Variants in LGR6 observed in about 807,000 individuals in gnomAD.
LGR6 encodes the protein leucine-rich repeat-containing G protein-coupled receptor 6.
A neutral mutation model predicts 69.4 loss-of-function variants in LGR6; 45 were observed. The ratio of observed to expected loss-of-function variants is 0.65; its 90% CI spans 0.51 to 0.83. LGR6 has a LOEUF of 0.83. Among genes scored for constraint, LGR6 ranks in the 40% least tolerant of loss-of-function variants. The pLI is 0.00. For synonymous variants in LGR6, 538 were observed against 555.0 expected, an observed-to-expected ratio of 0.97 and a Z score of 0.43; for missense variants, 1,108 against 1,246.7, an observed-to-expected ratio of 0.89 and a Z score of 1.68.
At chr1:202,261,207 A>G (rs559227980) in intron 4 of LGR6, among the ~76,000 whole-genome samples, 37 of 150,700 alleles carry the variant, frequency 2.5e-4, no homozygotes, top group African/African-American at 6.8e-4. Flanking sequence ...AGCATTAGGT[A>G]TATCTCCTAA....
At chr1:202,254,599 G>A (rs191474746) in intron 4 of LGR6, among the ~76,000 whole-genome samples, 1 of 152,316 alleles carries the variant, frequency 6.6e-6, no homozygotes, top group East Asian at 1.9e-4. Context: ...TGCCTTCAGT[G>A]AGTTTGTTAC....
chr1:202,214,434 G>C, intron 1 of LGR6, among the ~76,000 whole-genome samples: 1 of 145,116 alleles, frequency 6.9e-6, no homozygotes, highest in African/African-American at 2.8e-5. Context: ...GCGCGGGCAG[G>C]GGCGGGCAGG....
intron 1 of LGR6, among the ~76,000 whole-genome samples, chr1:202,217,828 A>G (rs1470153070): frequency 2.0e-5 from 3 of 152,230 alleles, no homozygotes; most frequent in African/African-American, 4.8e-5. Flanking sequence ...TAGCCCTTTT[A>G]TTTAAAAATA....
At chr1:202,233,236 A>G (rs1661238374) in intron 3 of LGR6, among the ~76,000 whole-genome samples, 1 of 152,130 alleles carries the variant, frequency 6.6e-6, no homozygotes, top group Non-Finnish European at 1.5e-5. Flanking sequence ...TCTCTCTGGG[A>G]TTTGACAAAG....
Position 202,305,731 on chromosome 1 carries a change from G to A in LGR6, c.1118G>A (p.Cys373Tyr). 6.2e-7 allele frequency: 1 copy of A among 1,614,138 alleles called. No individual in the cohort carries two copies. The highest frequency in any genetic ancestry group is 8.5e-7 in the Non-Finnish European group (1 of 1,180,014). Residue 373 changes from cysteine (C) to tyrosine (Y), a missense_variant, in exon 12 of 18, where the codon TGT (cysteine) becomes TAT (tyrosine). Cys to Tyr is a radical substitution (Grantham distance 194, BLOSUM62 -2). Transcript: ENST00000367278. ...GAGGAGCTGCCCAGCCTGCACAGGT[G>A]TCAGAAATTGGAGGAAATGTGAGTC... ...QIEELPSLHR[C>Y]QKLEEIGLQH...
At chr1:202,222,260 C>T (rs1213002061) in intron 1 of LGR6, among the ~76,000 whole-genome samples, 1 of 152,218 alleles carries the variant, frequency 6.6e-6, no homozygotes, top group Non-Finnish European at 1.5e-5. Context: ...TTGAAATTCA[C>T]CCTCCTTGCC....
intron 1 of LGR6, 24 bp downstream of exon 1, chr1:202,194,225 G>A (rs545416308): frequency 4.6e-6 from 7 of 1,509,292 alleles, no homozygotes; most frequent in East Asian, 2.5e-5. Context: ...GCCTGTCCCC[G>A]CCTGGTCCTG....
chr1:202,290,485 T>C (rs927757392), intron 6 of LGR6, among the ~76,000 whole-genome samples: 2 of 152,110 alleles, frequency 1.3e-5, no homozygotes, highest in Non-Finnish European at 2.9e-5. Context: ...TAGGAAAGTG[T>C]TTTAAACCAG....
intron 1 of LGR6, 169 bp from the exon 2 acceptor site, chr1:202,225,254 C>T: frequency 1.6e-6 from 1 of 632,166 alleles, no homozygotes; most frequent in South Asian, 1.7e-5. Flanking sequence ...AGTTCTTGCT[C>T]TTAGAGAGAA....
chr1:202,318,394 A>G lies in LGR6; in HGVS notation c.2091A>G (p.Ala697=). 6.2e-7 allele frequency: 1 copy of G among 1,604,276 alleles called. No homozygotes were observed. Among genetic ancestry groups the G allele is most frequent in the Non-Finnish European group, 8.5e-7 (1 of 1,175,632 alleles). The change falls in exon 18 of 18, where the codon GCA becomes GCG. Residue 697 remains alanine (A), a synonymous_variant. Coordinates refer to ENST00000367278, the MANE Select transcript of LGR6 (RefSeq NM_001017403.2). The part of the protein sequence containing the change: ...RAGVLGCLAL[A]GLAAALPLAS... ...GGGTCCTAGGCTGCCTGGCACTGGC[A>G]GGGCTGGCCGCCGCGCTGCCCCTGG...
At chr1:202,215,121 G>A (rs1315069614) in intron 1 of LGR6, among the ~76,000 whole-genome samples, 1 of 151,370 alleles carries the variant, frequency 6.6e-6, no homozygotes, top group African/African-American at 2.4e-5. Flanking sequence ...TGAGGGTGGT[G>A]GGGGTGGTGA....
chr1:202,273,463 T>G (rs1390827924), intron 4 of LGR6, among the ~76,000 whole-genome samples: 3 of 149,528 alleles, frequency 2.0e-5, no homozygotes, highest in South Asian at 2.1e-4. Context: ...TTTTTTTTGT[T>G]TTTTTTTTTT....
intron 15 of LGR6, among the ~76,000 whole-genome samples, chr1:202,309,930 G>A (rs148740211): frequency 3.5e-4 from 54 of 152,306 alleles, no homozygotes; most frequent in Middle Eastern, 3.4e-3. Context: ...CTTAAACAAT[G>A]GGCAGAATGT....
intron 3 of LGR6, among the ~76,000 whole-genome samples, chr1:202,229,810 GT>G (rs1402646182): frequency 6.6e-6 from 1 of 152,176 alleles, no homozygotes; most frequent in Non-Finnish European, 1.5e-5. Context: ...CAAAGCCTTT[GT>G]GTCAGTCCTT....
intron 9 of LGR6, 121 bp from the exon 10 acceptor site, chr1:202,303,158 G>A: frequency 1.3e-6 from 1 of 774,398 alleles, no homozygotes; most frequent in Non-Finnish European, 2.3e-6. Flanking sequence ...GAAGATTGCA[G>A]GGAAGCATGA....
At chr1:202,246,441 C>CCTG (rs1397093418) in intron 4 of LGR6, among the ~76,000 whole-genome samples, 1 of 125,978 alleles carries the variant, frequency 7.9e-6, no homozygotes, top group East Asian at 2.3e-4. Flanking sequence ...CCATCCATCC[C>CCTG]TCCATGCATC....
At chr1:202,206,277 G>C (rs1470051760) in intron 1 of LGR6, among the ~76,000 whole-genome samples, 1 of 152,248 alleles carries the variant, frequency 6.6e-6, no homozygotes, top group Non-Finnish European at 1.5e-5. Context: ...AAAAGCAAGA[G>C]AGAATGAGCA....
chr1:202,306,761 C>G, intron 12 of LGR6, 107 bp from the exon 13 acceptor site: 2 of 1,004,158 alleles, frequency 2.0e-6, no homozygotes, highest in Admixed American at 1.9e-5. Flanking sequence ...TCTTCCTGTG[C>G]CAGGAGAAGT....
intron 1 of LGR6, among the ~76,000 whole-genome samples, chr1:202,217,292 AT>A (rs1160545631): frequency 1.3e-5 from 2 of 152,028 alleles, no homozygotes; most frequent in African/African-American, 4.8e-5. Flanking sequence ...CAAATCTAGC[AT>A]TTTTGAGAGA....
Sources: gnomAD v4.1 joint callset for allele counts (sites outside exome capture counted in the v4.1 genomes callset) on GRCh38, gnomAD v4.1.1 for gene constraint, MANE v1.5 for transcripts, NCBI Gene and HGNC (gene_info 2026-07-23, HGNC 2026-07-21) for gene names.